The following KSR2 variants were observed in gnomAD, a reference collection of about 807,000 sequenced individuals.
The protein encoded by KSR2 is kinase suppressor of ras 2.
Under a neutral mutation model 107.8 loss-of-function variants are expected in KSR2, and 25 were observed. The ratio of observed to expected loss-of-function variants is 0.23; its 90% CI spans 0.17 to 0.32. The LOEUF (loss-of-function observed/expected upper bound fraction) is 0.32. Ranked by LOEUF, KSR2 falls within the 10% of genes least tolerant of loss-of-function variation. The pLI, the probability that KSR2 is intolerant of heterozygous loss-of-function variation, is 1.00. For missense variants in KSR2, 887 were observed against 1,268.9 expected, an observed-to-expected ratio of 0.70 and a Z score of 4.57; for synonymous variants, 480 against 507.0, an observed-to-expected ratio of 0.95 and a Z score of 0.71.
In KSR2 at chr12:117,966,508, G is replaced by A. The variant is rs555169766; in HGVS notation, c.180+1568C>T. Among the ~76,000 whole-genome samples, 11 of 152,074 alleles carry A rather than the reference G, an allele frequency of 7.2e-5. No homozygotes were observed. In the East Asian group the frequency reaches 1.6e-3, roughly 21 times the overall value. ...AATTCCCACTCTCCCGATACACCTTGACATTGATCTTATTTCATCTCTGAG... is the reference window on the plus strand; with the variant it reads ...AATTCCCACTCTCCCGATACACCTTAACATTGATCTTATTTCATCTCTGAG... On this transcript the variant is annotated intron_variant, in intron 1 of 19. Coordinates refer to ENST00000339824, the MANE Select transcript of KSR2 (RefSeq NM_173598.6).
At chr12:117,822,485 T>A (rs1349097812) in intron 3 of KSR2, among the ~76,000 whole-genome samples, 3 of 152,144 alleles carry the variant, frequency 2.0e-5, no homozygotes, top group African/African-American at 7.2e-5. Context: ...GAAAATACCC[T>A]AAGTTAAAAG....
chr12:117,626,944 C>T (rs1882551802), intron 5 of KSR2, among the ~76,000 whole-genome samples: 1 of 152,076 alleles, frequency 6.6e-6, no homozygotes, highest in Middle Eastern at 3.4e-3. Context: ...AAATTGATCC[C>T]TTTACCATTA....
intron 9 of KSR2, among the ~76,000 whole-genome samples, chr12:117,553,346 G>A (rs1877441395): frequency 6.6e-6 from 1 of 152,212 alleles, no homozygotes; most frequent in Non-Finnish European, 1.5e-5. Context: ...AATTTTGCAT[G>A]GGCTTTCAGG....
At chr12:117,619,072 C>T (rs955568269) in intron 5 of KSR2, among the ~76,000 whole-genome samples, 4 of 152,284 alleles carry the variant, frequency 2.6e-5, no homozygotes, top group Middle Eastern at 3.4e-3. Context: ...ATAACTCCCA[C>T]CTTCAAGAAA....
chr12:117,765,014 T>C (rs973607307), intron 3 of KSR2, among the ~76,000 whole-genome samples: 3 of 152,216 alleles, frequency 2.0e-5, no homozygotes, highest in Non-Finnish European at 4.4e-5. Context: ...AATACATCAA[T>C]ATCTGCTATT....
chr12:117,706,228 G>A (rs1886527144), intron 4 of KSR2, among the ~76,000 whole-genome samples: 1 of 151,924 alleles, frequency 6.6e-6, no homozygotes, highest in East Asian at 1.9e-4. Context: ...ATTTTTAGTA[G>A]AGATGGGGTT....
intron 7 of KSR2, among the ~76,000 whole-genome samples, chr12:117,574,892 G>GAA (rs35204005): frequency 0.18 from 20,204 of 115,028 alleles, 1,910 homozygotes; most frequent in Non-Finnish European, 0.24. Context: ...TGCTCTGGGT[G>GAA]AAAAAAAAAA....
intron 16 of KSR2, among the ~76,000 whole-genome samples, chr12:117,480,656 T>C (rs959836358): frequency 6.6e-6 from 1 of 151,986 alleles, no homozygotes; most frequent in Non-Finnish European, 1.5e-5. Flanking sequence ...AAGCTCTAAC[T>C]GAGGGGAGGG....
chr12:117,920,880 G>A (rs572037559), intron 1 of KSR2, among the ~76,000 whole-genome samples: 17 of 152,222 alleles, frequency 1.1e-4, no homozygotes, highest in African/African-American at 3.4e-4. Context: ...GCCAACAGAC[G>A]GCTAACTCCT....
At chr12:117,716,056 G>T (rs1886965903) in intron 4 of KSR2, among the ~76,000 whole-genome samples, 1 of 152,116 alleles carries the variant, frequency 6.6e-6, no homozygotes, top group Non-Finnish European at 1.5e-5. Flanking sequence ...CATGATCACT[G>T]TATAAGTCTC....
intron 5 of KSR2, among the ~76,000 whole-genome samples, chr12:117,597,549 A>G (rs1007193317): frequency 6.6e-6 from 1 of 152,176 alleles, no homozygotes; most frequent in African/African-American, 2.4e-5. Flanking sequence ...GATGGGAAAG[A>G]TGTAGAGGCT....
chr12:117,855,376 G>A lies in KSR2; in HGVS notation c.472+52C>T, dbSNP rs1593308781. 1.9e-6 allele frequency: 3 copies of A among 1,607,752 alleles called. No homozygotes were observed. The East Asian group carries it at 6.7e-5, about 36-fold the overall frequency. On this transcript the variant is annotated intron_variant, in intron 3 of 19. Transcript: ENST00000339824. ...GGGCACGGGATGCCGAGGGACCGCG[G>A]CAGCTGTGCTGGGGACAAGTCTCCA...
Position 117,939,059 on chromosome 12 carries a change from A to G in KSR2, c.180+29017T>C, listed in dbSNP as rs570633915. 9.2e-5 allele frequency among the ~76,000 whole-genome samples: 14 copies of G among 152,282 alleles called. No individual in the cohort carries two copies. The South Asian group carries it at 2.7e-3, about 29-fold the overall frequency. On this transcript the variant is annotated intron_variant, in intron 1 of 19. Transcript: ENST00000339824. ...AAAGTGACTGAAGACAGCGTGTAAG[A>G]ATATTTTAAGTACTGTCAGCAGAGC...
rs1002140995 is a variant in KSR2 at position 117,476,364 on chromosome 12, A to G, written c.2582+100T>C. 26 of 1,393,184 alleles carry G rather than the reference A, an allele frequency of 1.9e-5. No individual in the cohort carries two copies. In the East Asian group the frequency reaches 7.0e-4, roughly 37 times the overall value. The allele number at this position is 1,393,184 out of a possible 1,614,324, so 86.3% of individuals were successfully genotyped here. A position where few individuals can be genotyped will look rare whatever the true frequency, so the allele number is the denominator to read the frequency against. ...AAAAATCCAGCCACTTTGGCCCTGT[A>G]GACAGGTACACCCTGGCCCTTCCAA... On this transcript the variant is annotated intron_variant, in intron 17 of 19. Transcript: ENST00000339824.
intron 1 of KSR2, among the ~76,000 whole-genome samples, chr12:117,884,905 A>G (rs533434295): frequency 6.6e-6 from 1 of 152,280 alleles, no homozygotes; most frequent in African/African-American, 2.4e-5. Context: ...AATGGATTAG[A>G]AACAACCATA....
At chr12:117,568,476 T>A (rs1267963689) in intron 7 of KSR2, among the ~76,000 whole-genome samples, 2 of 152,158 alleles carry the variant, frequency 1.3e-5, no homozygotes, top group Non-Finnish European at 2.9e-5. Context: ...TTTGCCCGTG[T>A]AAAGCGGTTA....
At chr12:117,512,495 G>T (rs376298625) in intron 14 of KSR2, among the ~76,000 whole-genome samples, 48 of 152,224 alleles carry the variant, frequency 3.2e-4, no homozygotes, top group African/African-American at 1.1e-3. Context: ...CATATTCCCA[G>T]GCCCCTCCCA....
chr12:117,766,411 G>A (rs1194881394), intron 3 of KSR2, among the ~76,000 whole-genome samples: 1 of 152,204 alleles, frequency 6.6e-6, no homozygotes, highest in Non-Finnish European at 1.5e-5. Context: ...AATGGGGAGT[G>A]ACTGTTAATA....
intron 1 of KSR2, among the ~76,000 whole-genome samples, chr12:117,891,783 T>G (rs1248072878): frequency 6.6e-6 from 1 of 151,776 alleles, no homozygotes; most frequent in East Asian, 1.9e-4. Context: ...GCCCAGGAGT[T>G]CAAGACCAGT....
Sources: gnomAD v4.1 joint callset for allele counts (sites outside exome capture counted in the v4.1 genomes callset) on GRCh38, gnomAD v4.1.1 for gene constraint, MANE v1.5 for transcripts, NCBI Gene and HGNC (gene_info 2026-07-23, HGNC 2026-07-21) for gene names.